The following HPS1 variants were observed in gnomAD, a reference collection of about 807,000 sequenced individuals.
The protein encoded by HPS1 is BLOC-3 complex member HPS1.
Under a neutral mutation model 90.6 loss-of-function variants are expected in HPS1, and 59 were observed. That is an observed-to-expected ratio of 0.65 (90% confidence interval 0.53 to 0.81). The LOEUF (loss-of-function observed/expected upper bound fraction) is 0.81. HPS1 is among the 30% of genes least tolerant of loss of function. The pLI is 0.00. For missense variants in HPS1, 849 were observed against 896.7 expected, an observed-to-expected ratio of 0.95 and a Z score of 0.68; for synonymous variants, 388 against 384.4, an observed-to-expected ratio of 1.01 and a Z score of -0.11.
Position 98,420,077 on chromosome 10 carries a change from A to G in HPS1, c.1825T>C (p.Cys609Arg). 2 of 1,613,866 alleles carry G rather than the reference A, an allele frequency of 1.2e-6. No homozygotes were observed. Among genetic ancestry groups the G allele is most frequent in the Non-Finnish European group, 1.7e-6 (2 of 1,179,722 alleles). ...TTCTCGAACCACAGGAAGTAGGAGC[A>G]GTAGAAATCCCCCTCCTGGAACAGC... is the stretch of plus-strand genomic sequence containing the variant. ...TLLFQEGDFY[C>R]SYFLWFENDM... Residue 609 changes from cysteine to arginine, a missense_variant, in exon 18 of 20, where the codon TGC (cysteine) becomes CGC (arginine). Cys to Arg is a radical substitution (Grantham distance 180). Transcript: ENST00000361490.
chr10:98,425,377 C>T (rs1845460204), intron 13 of HPS1, among the ~76,000 whole-genome samples, 164 bp downstream of exon 13: 1 of 152,246 alleles, frequency 6.6e-6, no homozygotes, highest in Admixed American at 6.5e-5. Context: ...GCTAAGTTTT[C>T]AATATCATTT....
intron 3 of HPS1, chr10:98,442,286 A>G (rs1422353858): frequency 6.6e-6 from 1 of 152,294 alleles, no homozygotes. Context: ...GATACAAACT[A>G]ATCTATCATG....
At chr10:98,422,243 G>A (rs908722204) in intron 17 of HPS1, 126 bp downstream of exon 17, 7 of 987,058 alleles carry the variant, frequency 7.1e-6, no homozygotes, top group South Asian at 1.3e-5. Flanking sequence ...GCCGGCACTG[G>A]CCACTGCCTC....
intron 8 of HPS1, among the ~76,000 whole-genome samples, chr10:98,430,300 C>T (rs1038581838): frequency 3.9e-5 from 6 of 152,172 alleles, no homozygotes; most frequent in African/African-American, 1.4e-4. Flanking sequence ...GGTGCAAGTA[C>T]GGGCTCAGCT....
intron 10 of HPS1, among the ~76,000 whole-genome samples, chr10:98,427,641 C>T (rs1452840691): frequency 3.3e-5 from 5 of 152,112 alleles, no homozygotes; most frequent in African/African-American, 1.2e-4. Context: ...GGCCTCAACC[C>T]GCCCCTCAGG....
rs778370036 is a variant in HPS1 at position 98,423,851 on chromosome 10, G to A, written c.1434C>T (p.Leu478=). ...LQACGKLKRQ[L]CAIYRLNFLT... is the part of the protein sequence containing the mutation. ...GAAAGTTCAGCCGGTAGATGGCGCA[G>A]AGCTGCCGCTTCAGCTTCCCACATG... Residue 478 remains leucine (L), a synonymous_variant, in exon 15 of 20, where the codon CTC becomes CTT. Coordinates refer to ENST00000361490, the MANE Select transcript of HPS1 (RefSeq NM_000195.5). The A allele has an allele frequency of 2.5e-6, 4 of 1,613,854 alleles. No individual in the cohort carries two copies. The Admixed American group carries it at 5.0e-5, about 20-fold the overall frequency.
At chr10:98,431,015 G>A in intron 7 of HPS1, 116 bp downstream of exon 7, 1 of 1,082,766 alleles carries the variant, frequency 9.2e-7, no homozygotes, top group East Asian at 2.6e-5. Context: ...GAAGGTTTCA[G>A]GCTTCATGGA....
downstream of HPS1, chr10:98,415,038 G>C: frequency 6.2e-7 from 1 of 1,613,906 alleles, no homozygotes; most frequent in Non-Finnish European, 8.5e-7. Context: ...ATCATACTCA[G>C]GCTTCAGACC....
At chr10:98,415,295 T>A, downstream of HPS1, 1 of 994,892 alleles carries the variant, frequency 1.0e-6, no homozygotes, top group Non-Finnish European at 1.4e-6. Flanking sequence ...CAGGCCAGCC[T>A]CCTGCTGCCC....
chr10:98,429,245 AGAT>A (rs1369025611), intron 10 of HPS1: 2 of 1,134,204 alleles, frequency 1.8e-6, no homozygotes, highest in African/African-American at 3.2e-5. Context: ...TATAGAAATT[AGAT>A]GATTATTACT....
Position 98,417,818 on chromosome 10 carries a change from C to T in HPS1, c.1941-92G>A, listed in dbSNP as rs889421752. The T allele has an allele frequency of 8.8e-6, 11 of 1,247,204 alleles. No homozygotes were observed. The highest frequency in any genetic ancestry group is 1.2e-5 in the Non-Finnish European group (10 of 860,632). The allele number at this position is 1,247,204 out of a possible 1,614,324, so 77.3% of individuals were successfully genotyped here. Reference sequence around the variant, plus strand: ...CTCTGGGCCCTCGCAAGCAAATGCCCATGCCCTCGGTCATCTCACTAGGCC... The same window carrying T: ...CTCTGGGCCCTCGCAAGCAAATGCCTATGCCCTCGGTCATCTCACTAGGCC... On this transcript the variant is annotated intron_variant, in intron 19 of 19. Transcript: ENST00000361490. The surrounding 1 kb of genome is among the most constrained non-coding windows in gnomAD (Gnocchi z 4.2).
chr10:98,425,755 C>A, intron 12 of HPS1, 35 bp from the exon 13 acceptor site: 2 of 1,597,508 alleles, frequency 1.3e-6, no homozygotes, highest in Non-Finnish European at 1.7e-6. Context: ...GTGAACGGGG[C>A]TGCCCCTGGG....
Position 98,435,443 on chromosome 10 carries a change from C to T in HPS1, c.256-29G>A. 2 of 1,613,674 alleles carry T rather than the reference C, an allele frequency of 1.2e-6. No homozygotes were observed. Among genetic ancestry groups the T allele is most frequent in the African/African-American group, 1.3e-5 (1 of 75,024 alleles). On this transcript the variant is annotated intron_variant, in intron 4 of 19. Transcript: ENST00000361490. The surrounding 1 kb of genome is among the most constrained non-coding windows in gnomAD (Gnocchi z 4.3). ...CAGGCACAGGCAGGCCAGTGTCAGC[C>T]AGCCCCAAGGGCACTCCCTTCACCT... is the stretch of plus-strand genomic sequence containing the variant.
Position 98,423,799 on chromosome 10 carries a change from G to A in HPS1, c.1486C>T (p.Pro496Ser), listed in dbSNP as rs1226761780. Residue 496 changes from proline to serine, a missense_variant, in exon 15 of 20, where the codon CCA (proline) becomes TCA (serine). Physicochemically the swap from Pro to Ser is moderately conservative, Grantham distance 74 (BLOSUM62 -1). Coordinates refer to ENST00000361490, the MANE Select transcript of HPS1 (RefSeq NM_000195.5). Reference sequence around the variant, plus strand: ...TCCTGCAGGTGCTGGGGCAGGTGTGGGCCTCCCCTGCTGGGGGCTGTGGTC... The same window carrying A: ...TCCTGCAGGTGCTGGGGCAGGTGTGAGCCTCCCCTGCTGGGGGCTGTGGTC... ...FLTTAPSRGG[P>S]HLPQHLQDQV... 1 of 1,613,908 alleles carries A rather than the reference G, an allele frequency of 6.2e-7. No individual in the cohort carries two copies. The highest frequency in any genetic ancestry group is 8.5e-7 in the Non-Finnish European group (1 of 1,180,034).
chr10:98,419,809 T>G (rs1844617190), intron 18 of HPS1, among the ~76,000 whole-genome samples: 1 of 152,244 alleles, frequency 6.6e-6, no homozygotes, highest in East Asian at 1.9e-4. Flanking sequence ...TGTGCCTGGA[T>G]GCCACGTGGA....
chr10:98,429,091 C>T (rs982804915), intron 10 of HPS1: 2 of 438,432 alleles, frequency 4.6e-6, no homozygotes, highest in Admixed American at 1.0e-4. Flanking sequence ...ATCTACCCGC[C>T]TCGGCCTCCC....
At chr10:98,427,862 CA>C (rs1313579472) in intron 10 of HPS1, among the ~76,000 whole-genome samples, 7 of 152,286 alleles carry the variant, frequency 4.6e-5, no homozygotes, top group African/African-American at 1.4e-4. Context: ...CATTTATAAT[CA>C]TGTTTCTTTG....
At chr10:98,440,229 A>G (rs1188120239) in intron 3 of HPS1, among the ~76,000 whole-genome samples, 1 of 152,230 alleles carries the variant, frequency 6.6e-6, no homozygotes, top group African/African-American at 2.4e-5. Flanking sequence ...GCGGAATTAT[A>G]AAGTAGTACA....
intron 3 of HPS1, among the ~76,000 whole-genome samples, chr10:98,438,286 G>C (rs11189605): frequency 0.022 from 3,321 of 152,304 alleles, 124 homozygotes; most frequent in East Asian, 0.17. Flanking sequence ...GAACAGTATG[G>C]AGGGCTCAGA....
Sources: gnomAD v4.1 joint callset for allele counts (sites outside exome capture counted in the v4.1 genomes callset) on GRCh38, gnomAD v4.1.1 for gene constraint, Gnocchi (gnomAD v3.1) non-coding constraint, MANE v1.5 for transcripts, NCBI Gene and HGNC (gene_info 2026-07-23, HGNC 2026-07-21) for gene names.